The following MTMR3 variants were observed in gnomAD, a reference collection of about 807,000 sequenced individuals.
The protein encoded by MTMR3 is myotubularin related protein 3.
Under a neutral mutation model 132.4 loss-of-function variants are expected in MTMR3, and 32 were observed. That is an observed-to-expected ratio of 0.24 (90% CI 0.18 to 0.32). The LOEUF (loss-of-function observed/expected upper bound fraction) is 0.32. MTMR3 is among the 10% of genes least tolerant of loss of function. The pLI is 1.00. For synonymous variants in MTMR3, 556 were observed against 550.3 expected, an observed-to-expected ratio of 1.01 and a Z score of -0.14; for missense variants, 1,216 against 1,489.6, an observed-to-expected ratio of 0.82 and a Z score of 3.02.
chr22:29,991,615 G>T lies in MTMR3; in HGVS notation c.405G>T (p.Trp135Cys). 6.2e-7 allele frequency: 1 copy of T among 1,613,874 alleles called. No individual in the cohort carries two copies. The highest frequency in any genetic ancestry group is 8.5e-7 in the Non-Finnish European group (1 of 1,179,906). Residue 135 changes from tryptophan (W) to cysteine (C), a missense_variant, in exon 7 of 20, where the codon TGG (tryptophan) becomes TGT (cysteine). By Grantham distance (215) the Trp-to-Cys change is radical. Around this residue, in one of 7 missense-constraint regions of MTMR3, gnomAD observed 129 missense variants for 245.7 expected, o/e 0.53. Transcript: ENST00000401950. ...TCTTCTCATTTGCATACCATGCTTG[G>T]TGCATGGAGGTCTATGCCAGTGAAA... The part of the protein sequence containing the change: ...EDLFSFAYHA[W>C]CMEVYASEKE...
rs984310725 is a variant in MTMR3, at chr22:30,028,889, A to G, written c.*3088A>G. ...GTCCGCCAGGCAGCCCAGTCTGTGTATTCATATGAAGTTGTGAAAACCATG... is the reference window on the plus strand; with the variant it reads ...GTCCGCCAGGCAGCCCAGTCTGTGTGTTCATATGAAGTTGTGAAAACCATG... On this transcript the variant is annotated 3_prime_UTR_variant, in exon 20 of 20. Coordinates refer to ENST00000401950, the MANE Select transcript of MTMR3 (RefSeq NM_021090.4). 1.3e-5 allele frequency: 2 copies of G among 152,366 alleles called. No homozygotes were observed. The highest frequency in any genetic ancestry group is 6.5e-5 in the Admixed American group (1 of 15,276). The allele number at this position is 152,366 out of a possible 1,614,324, so 9.4% of individuals were successfully genotyped here.
At chr22:30,000,075 G>T (rs1001258785) in intron 8 of MTMR3, 2 of 152,196 alleles carry the variant, frequency 1.3e-5, no homozygotes, top group African/African-American at 4.8e-5. Context: ...AAGTGCGTTG[G>T]TGGGGGAGGA....
At chr22:29,918,097 C>T (rs889918952) in intron 1 of MTMR3, among the ~76,000 whole-genome samples, 1 of 152,070 alleles carries the variant, frequency 6.6e-6, no homozygotes, top group African/African-American at 2.4e-5. Flanking sequence ...TGCTGGTTGC[C>T]TCATATTGCT....
chr22:29,973,744 C>T (rs374141185), intron 3 of MTMR3, among the ~76,000 whole-genome samples: 9 of 152,118 alleles, frequency 5.9e-5, no homozygotes, highest in African/African-American at 9.7e-5. Flanking sequence ...AGATTACAGG[C>T]GCTTGCCACC....
chr22:29,907,415 C>A (rs1176659555), intron 1 of MTMR3, among the ~76,000 whole-genome samples: 1 of 151,640 alleles, frequency 6.6e-6, no homozygotes, highest in Non-Finnish European at 1.5e-5. Context: ...AAAAAAATTA[C>A]AAACTTTTTT....
chr22:30,019,792 C>T lies in MTMR3; in HGVS notation c.2133C>T (p.Gly711=). The change falls in exon 17 of 20, where the codon GGC becomes GGT. Residue 711 remains glycine (G), a synonymous_variant. Coordinates refer to ENST00000401950, the MANE Select transcript of MTMR3 (RefSeq NM_021090.4). ...TAGAGGAACCTGCCCACAGGGCAGG[C>T]ATTGAGATACAGGAGGGTAAAGAGG... ...SGVEEPAHRA[G]IEIQEGKEDP... 6.2e-7 allele frequency: 1 copy of T among 1,614,178 alleles called. No homozygotes were observed. The highest frequency in any genetic ancestry group is 8.5e-7 in the Non-Finnish European group (1 of 1,180,024).
At chr22:29,958,478 T>C (rs558121734) in intron 2 of MTMR3, among the ~76,000 whole-genome samples, 2 of 152,296 alleles carry the variant, frequency 1.3e-5, no homozygotes. Flanking sequence ...TCATCTCTTG[T>C]AGCCACACCG....
chr22:30,001,442 A>C (rs920545471), intron 8 of MTMR3: 1 of 152,250 alleles, frequency 6.6e-6, no homozygotes, highest in African/African-American at 2.4e-5. Context: ...AGTCCCAGCT[A>C]CTGGGGAGGC....
At chr22:29,919,329 T>C (rs1368598458) in intron 1 of MTMR3, among the ~76,000 whole-genome samples, 1 of 152,208 alleles carries the variant, frequency 6.6e-6, no homozygotes, top group Admixed American at 6.5e-5. Flanking sequence ...TGTCTTACCA[T>C]GGATTTCTCA....
At position 29,944,321 on chromosome 22, in the gene MTMR3, C is replaced by T. The variant is rs2065914489; in HGVS notation, c.-137-12715C>T. ...ACTTATCTCCACTGCTTTTATCTACCCCAAGAACTTGTCATTGTCCTAGGG... is the reference window on the plus strand; with the variant it reads ...ACTTATCTCCACTGCTTTTATCTACTCCAAGAACTTGTCATTGTCCTAGGG... On this transcript the variant is annotated intron_variant, in intron 1 of 19. Coordinates refer to ENST00000401950, the MANE Select transcript of MTMR3 (RefSeq NM_021090.4). 2.0e-5 allele frequency among the ~76,000 whole-genome samples: 3 copies of T among 151,690 alleles called. No individual in the cohort carries two copies. In the South Asian group the frequency reaches 6.3e-4, roughly 32 times the overall value.
At chr22:29,895,456 C>A (rs7286070) in intron 1 of MTMR3, among the ~76,000 whole-genome samples, 32,939 of 152,074 alleles carry the variant, frequency 0.22, 3,992 homozygotes, top group Middle Eastern at 0.38. Context: ...TTTTCTGCAT[C>A]CTGCTGGTTG....
At chr22:29,921,434 TTGGAGGGGACAAA>T (rs1465879052) in intron 1 of MTMR3, among the ~76,000 whole-genome samples, 1 of 152,192 alleles carries the variant, frequency 6.6e-6, no homozygotes, top group Non-Finnish European at 1.5e-5. Context: ...ACCATGAGAT[TTGGAGGGGACAAA>T]TATCTAAACC....
At chr22:29,945,712 G>GAAAAAAAAAAAA in intron 1 of MTMR3, among the ~76,000 whole-genome samples, 1 of 78,110 alleles carries the variant, frequency 1.3e-5, no homozygotes, top group African/African-American at 6.4e-5. Flanking sequence ...TCTTTAAAAT[G>GAAAAAAAAAAAA]AAAAAGAAAA....
intron 6 of MTMR3, 184 bp downstream of exon 6, chr22:29,988,746 G>GTT (rs547885854): frequency 4.5e-4 from 125 of 280,632 alleles, no homozygotes; most frequent in Middle Eastern, 1.1e-3. Context: ...GTTGAAAGAT[G>GTT]TTTTTTTTTT....
intron 3 of MTMR3, among the ~76,000 whole-genome samples, chr22:29,973,012 A>G (rs2066566147): frequency 6.6e-6 from 1 of 152,240 alleles, no homozygotes; most frequent in Non-Finnish European, 1.5e-5. Context: ...ATTCCTAATG[A>G]TCATTTTACT....
chr22:30,019,551 G>A lies in MTMR3; in HGVS notation c.1892G>A (p.Arg631His), dbSNP rs1195241681. The change falls in exon 17 of 20, where the codon CGC becomes CAC. Residue 631 changes from arginine to histidine, a missense_variant. Arg to His is a conservative substitution (Grantham distance 29). Around this residue, in one of 7 missense-constraint regions of MTMR3, gnomAD observed 852 missense variants for 852.0 expected, o/e 1.00. Coordinates refer to ENST00000401950, the MANE Select transcript of MTMR3 (RefSeq NM_021090.4). ...AACACAGTGCCTCTGGCCAGCCGGC[G>A]CTGCAGCGACCCCAGCCTGAACGAG... is the stretch of plus-strand genomic sequence containing the variant. ...CDNTVPLASR[R>H]CSDPSLNEKW... 1.2e-6 allele frequency: 2 copies of A among 1,613,136 alleles called. No individual in the cohort carries two copies. The highest frequency in any genetic ancestry group is 2.2e-5 in the East Asian group (1 of 44,888).
At chr22:29,983,769 C>T (rs1231979164) in intron 5 of MTMR3, 1 of 152,088 alleles carries the variant, frequency 6.6e-6, no homozygotes, top group Non-Finnish European at 1.5e-5. Context: ...TTCTGAGTAG[C>T]TAGGTCTACA....
chr22:29,995,587 A>G (rs1287790925), intron 7 of MTMR3: 1 of 152,246 alleles, frequency 6.6e-6, no homozygotes, highest in Non-Finnish European at 1.5e-5. Flanking sequence ...TATTTTTATT[A>G]TAAGAAACAC....
chr22:29,928,229 A>G (rs2065564782), intron 1 of MTMR3, among the ~76,000 whole-genome samples: 1 of 131,908 alleles, frequency 7.6e-6, no homozygotes, highest in African/African-American at 2.9e-5. Flanking sequence ...CTGGAGTACG[A>G]TGGCATGATC....
Sources: allele counts gnomAD v4.1 joint callset (sites outside exome capture counted in the v4.1 genomes callset), GRCh38; gene constraint gnomAD v4.1.1; regional missense constraint gnomAD v4.1.1; transcripts MANE v1.5; gene names NCBI Gene and HGNC (gene_info 2026-07-23, HGNC 2026-07-21).